TESK1: variants seen among roughly 807,000 people sequenced by gnomAD.
The protein encoded by TESK1 is dual specificity testis-specific protein kinase 1.
A neutral mutation model predicts 59.9 loss-of-function variants in TESK1; 18 were observed. The ratio of observed to expected loss-of-function variants is 0.30; its 90% CI spans 0.21 to 0.45. TESK1 has a LOEUF of 0.45. Ranked by LOEUF, TESK1 falls within the 20% of genes least tolerant of loss-of-function variation. The pLI, the probability that TESK1 is intolerant of heterozygous loss-of-function variation, is 1.00. For missense variants in TESK1, 748 were observed against 840.9 expected (o/e 0.89, Z 1.37); for synonymous variants, 341 against 357.4 (o/e 0.95, Z 0.52).
intron 3 of TESK1, 63 bp downstream of exon 3, chr9:35,606,348 A>G (rs1822848894): frequency 6.3e-7 from 1 of 1,588,792 alleles, no homozygotes; most frequent in African/African-American, 1.3e-5. Context: ...AAAGGGAGTC[A>G]ACAGGCCTGG....
Position 35,607,503 on chromosome 9 carries a change from G to T in TESK1, c.621-79G>T. 1 of 1,575,486 alleles carries T rather than the reference G, an allele frequency of 6.3e-7. No homozygotes were observed. Among genetic ancestry groups the T allele is most frequent in the Non-Finnish European group, 8.7e-7 (1 of 1,145,382 alleles). Reference sequence around the variant, plus strand: ...GGGATGTTTCCCTTGGGGAACGGAGGGAGTTCACCTCATCCCCTTTTGCCT... The same window carrying T: ...GGGATGTTTCCCTTGGGGAACGGAGTGAGTTCACCTCATCCCCTTTTGCCT... On this transcript the variant is annotated intron_variant, in intron 5 of 9. Transcript: ENST00000336395. This position sits in a 1 kb window ranked among gnomAD's most constrained non-coding sequence, Gnocchi z 4.5.
At position 35,609,488 on chromosome 9, in the gene TESK1, C is replaced by T. The variant is rs750649245; in HGVS notation, c.1627C>T (p.Arg543Trp). ...PWNRAQHSLP[R>W]AAALERTEPS... Reference sequence around the variant, plus strand: ...GAACCGGGCCCAGCATAGCCTGCCCCGGGCGGCAGCCCTGGAGCGGACAGA... The same window carrying T: ...GAACCGGGCCCAGCATAGCCTGCCCTGGGCGGCAGCCCTGGAGCGGACAGA... The change falls in exon 10 of 10, where the codon CGG (arginine) becomes TGG (tryptophan). Residue 543 changes from arginine (R) to tryptophan (W), a missense_variant. Arg to Trp is a moderately radical substitution (Grantham distance 101, BLOSUM62 -3). Around this residue, in one of 3 missense-constraint regions of TESK1, gnomAD observed 447 missense variants for 466.1 expected, o/e 0.96. Transcript: ENST00000336395. This position sits in a 1 kb window ranked among gnomAD's most constrained non-coding sequence, Gnocchi z 6.7. 3.6e-5 allele frequency: 58 copies of T among 1,604,064 alleles called. No homozygotes were observed. The highest frequency in any genetic ancestry group is 4.2e-5 in the Non-Finnish European group (49 of 1,174,580).
In TESK1 at chr9:35,607,621, C is replaced by G. The variant is rs1563891739; in HGVS notation, c.660C>G (p.Ser220=). ...AGGAGCCATTGGCCGTGGTGGGCTC[C>G]CCATACTGGATGGCTCCAGAGGTGT... is the stretch of plus-strand genomic sequence containing the variant. ...ARKEPLAVVG[S]PYWMAPEVLR... Residue 220 remains serine (S), a synonymous_variant, in exon 6 of 10, where the codon TCC becomes TCG. Coordinates refer to ENST00000336395, the MANE Select transcript of TESK1 (RefSeq NM_006285.3). The surrounding 1 kb of genome is among the most constrained non-coding windows in gnomAD (Gnocchi z 4.5). 2 of 1,613,886 alleles carry G rather than the reference C, an allele frequency of 1.2e-6. No individual in the cohort carries two copies. Among genetic ancestry groups the G allele is most frequent in the African/African-American group, 2.7e-5 (2 of 74,878 alleles).
Position 35,606,989 on chromosome 9 carries a change from C to G in TESK1, c.537+6C>G. On this transcript the variant is annotated splice_donor_region_variant and intron_variant, in intron 4 of 9. Coordinates refer to ENST00000336395, the MANE Select transcript of TESK1 (RefSeq NM_006285.3). ...ACCGCGACCTCACATCCAAGGTAGG[C>G]TAGCAGGGTGGGTGGAGACATGAAA... The G allele has an allele frequency of 6.3e-7, 1 of 1,583,148 alleles. No homozygotes were observed. The highest frequency in any genetic ancestry group is 8.6e-7 in the Non-Finnish European group (1 of 1,162,478).
chr9:35,607,144 G>A lies in TESK1; in HGVS notation c.537+161G>A. 8.1e-7 allele frequency: 1 copy of A among 1,239,300 alleles called. No individual in the cohort carries two copies. The highest frequency in any genetic ancestry group is 1.1e-6 in the Non-Finnish European group (1 of 890,344). 76.8% of individuals were successfully genotyped at this position (1,239,300 alleles called of 1,614,324 possible). On this transcript the variant is annotated intron_variant, in intron 4 of 9. Transcript: ENST00000336395. The surrounding 1 kb of genome is among the most constrained non-coding windows in gnomAD (Gnocchi z 4.5). ...ACCAGGGTGAGGGGAGTGCTCGGAGGGACTGAGTAGCACCCTGTGTTTGGA... is the reference window on the plus strand; with the variant it reads ...ACCAGGGTGAGGGGAGTGCTCGGAGAGACTGAGTAGCACCCTGTGTTTGGA...
intron 8 of TESK1, 24 bp downstream of exon 8, chr9:35,608,273 G>A: frequency 6.2e-7 from 1 of 1,612,496 alleles, no homozygotes. Context: ...ACTCCTTCCT[G>A]CCCCACCCTG....
rs1313927655 is a variant in TESK1, at chr9:35,606,825, C to T, written c.391-12C>T. 6.3e-7 allele frequency: 1 copy of T among 1,593,290 alleles called. No homozygotes were observed. Among genetic ancestry groups the T allele is most frequent in the African/African-American group, 1.4e-5 (1 of 74,016 alleles). On this transcript the variant is annotated splice_polypyrimidine_tract_variant and intron_variant, in intron 3 of 9. Transcript: ENST00000336395. ...GTCTGACATCTATTCCCATTCTCCT[C>T]CTATGCACCAGTATATGAATGGGGG...
At position 35,609,087 on chromosome 9, in the gene TESK1, C is replaced by T; in HGVS notation, c.1226C>T (p.Ser409Leu). 1 of 1,614,212 alleles carries T rather than the reference C, an allele frequency of 6.2e-7. No individual in the cohort carries two copies. The highest frequency in any genetic ancestry group is 8.5e-7 in the Non-Finnish European group (1 of 1,180,032). ...SKPVLPLVPP[S>L]PFPSTQLPLV... ...CCAGTCCTGCCTCTTGTGCCACCAT[C>T]ACCATTCCCATCCACTCAGCTGCCC... is the stretch of plus-strand genomic sequence containing the variant. Residue 409 changes from serine (S) to leucine (L), a missense_variant, in exon 10 of 10, where the codon TCA (serine) becomes TTA (leucine). Coordinates refer to ENST00000336395, the MANE Select transcript of TESK1 (RefSeq NM_006285.3). This position sits in a 1 kb window ranked among gnomAD's most constrained non-coding sequence, Gnocchi z 6.7.
At position 35,607,703 on chromosome 9, in the gene TESK1, C is replaced by T; in HGVS notation, c.711+31C>T. 6.4e-7 allele frequency: 1 copy of T among 1,561,916 alleles called. No individual in the cohort carries two copies. The highest frequency in any genetic ancestry group is 8.8e-7 in the Non-Finnish European group (1 of 1,133,566). On this transcript the variant is annotated intron_variant, in intron 6 of 9. Coordinates refer to ENST00000336395, the MANE Select transcript of TESK1 (RefSeq NM_006285.3). This position sits in a 1 kb window ranked among gnomAD's most constrained non-coding sequence, Gnocchi z 4.5. ...ACATCAACCCTTCAGATCCCCAAGG[C>T]CTTCCGAGACCCTTGAGGTATTCTC...
Position 35,607,083 on chromosome 9 carries a change from A to T in TESK1, c.537+100A>T. ...GAATATGGATAACAGATATATTAGG[A>T]TGTTGGAGTGGCAAGGCATTGGAGA... On this transcript the variant is annotated intron_variant, in intron 4 of 9. Transcript: ENST00000336395. This position sits in a 1 kb window ranked among gnomAD's most constrained non-coding sequence, Gnocchi z 4.5. The T allele has an allele frequency of 6.9e-7, 1 of 1,448,276 alleles. No individual in the cohort carries two copies. The highest frequency in any genetic ancestry group is 9.2e-7 in the Non-Finnish European group (1 of 1,086,390). The allele number at this position is 1,448,276 out of a possible 1,614,324, so 89.7% of individuals were successfully genotyped here. A position where few individuals can be genotyped will look rare whatever the true frequency, so the allele number is the denominator to read the frequency against.
chr9:35,608,831 G>A (rs1822906334), intron 9 of TESK1, 31 bp from the exon 10 acceptor site: 1 of 1,548,774 alleles, frequency 6.5e-7, no homozygotes, highest in Admixed American at 1.9e-5. Flanking sequence ...CAAATGCTGA[G>A]GACAGTGATT....
In TESK1 at chr9:35,608,216, G is replaced by A. The variant is rs758668834; in HGVS notation, c.852G>A (p.Leu284=). The part of the protein sequence containing the change: ...FRTLVGDDCP[L]PFLLLAIHCC... ...CTCTGGTGGGGGATGACTGCCCACTGCCTTTCTTGCTCCTGGCCATCCACT... is the reference window on the plus strand; with the variant it reads ...CTCTGGTGGGGGATGACTGCCCACTACCTTTCTTGCTCCTGGCCATCCACT... Residue 284 remains leucine (L), a synonymous_variant, in exon 8 of 10, where the codon CTG becomes CTA. Transcript: ENST00000336395. 6.2e-7 allele frequency: 1 copy of A among 1,614,156 alleles called. No homozygotes were observed. Among genetic ancestry groups the A allele is most frequent in the South Asian group, 1.1e-5 (1 of 91,078 alleles).
rs1822878141 is a variant in TESK1, at chr9:35,607,756, C to T, written c.711+84C>T. On this transcript the variant is annotated intron_variant, in intron 6 of 9. Coordinates refer to ENST00000336395, the MANE Select transcript of TESK1 (RefSeq NM_006285.3). The surrounding 1 kb of genome is among the most constrained non-coding windows in gnomAD (Gnocchi z 4.5). ...AAAGCCCCATCCATCCCCAAAACAA[C>T]CCTACCAGATCTTCAGGAGTCCCCA... 1 of 1,365,278 alleles carries T rather than the reference C, an allele frequency of 7.3e-7. No homozygotes were observed. Among genetic ancestry groups the T allele is most frequent in the Non-Finnish European group, 1.0e-6 (1 of 972,382 alleles). 84.6% of individuals were successfully genotyped at this position (1,365,278 alleles called of 1,614,324 possible).
In TESK1 at chr9:35,609,123, C is replaced by T. The variant is rs1822916515; in HGVS notation, c.1262C>T (p.Thr421Ile). The T allele has an allele frequency of 6.2e-7, 1 of 1,614,170 alleles. No homozygotes were observed. Among genetic ancestry groups the T allele is most frequent in the Non-Finnish European group, 8.5e-7 (1 of 1,180,040 alleles). ...TCCACTCAGCTGCCCTTGGTGACCACTCCGGAGACCCTGGTCCAGCCTGGG... is the reference window on the plus strand; with the variant it reads ...TCCACTCAGCTGCCCTTGGTGACCATTCCGGAGACCCTGGTCCAGCCTGGG... Reference protein sequence around the residue: ...FPSTQLPLVTTPETLVQPGTP... With the variant: ...FPSTQLPLVTIPETLVQPGTP... Residue 421 changes from threonine to isoleucine, a missense_variant, in exon 10 of 10, where the codon ACT becomes ATT. Around this residue, in one of 3 missense-constraint regions of TESK1, gnomAD observed 447 missense variants for 466.1 expected, o/e 0.96. Coordinates refer to ENST00000336395, the MANE Select transcript of TESK1 (RefSeq NM_006285.3). The surrounding 1 kb of genome is among the most constrained non-coding windows in gnomAD (Gnocchi z 6.7).
Position 35,609,793 on chromosome 9 carries a change from G to A in TESK1, c.*51G>A. The A allele has an allele frequency of 6.7e-7, 1 of 1,487,376 alleles. No homozygotes were observed. Among genetic ancestry groups the A allele is most frequent in the Non-Finnish European group, 8.9e-7 (1 of 1,121,674 alleles). 92.1% of individuals were successfully genotyped at this position (1,487,376 alleles called of 1,614,324 possible). A position where few individuals can be genotyped will look rare whatever the true frequency, so the allele number is the denominator to read the frequency against. On this transcript the variant is annotated 3_prime_UTR_variant, in exon 10 of 10. Coordinates refer to ENST00000336395, the MANE Select transcript of TESK1 (RefSeq NM_006285.3). The surrounding 1 kb of genome is among the most constrained non-coding windows in gnomAD (Gnocchi z 6.7). The stretch of plus-strand genomic sequence containing the variant: ...CCAACTTTGGCCTTCAGGACACCCT[G>A]TAAGAACAGAGCACACTTGCTGGAC...
In TESK1 at chr9:35,605,506, G is replaced by A. The variant is rs1822823505; in HGVS notation, c.-114G>A. ...GGCGGATCTTCCATTCTCAGGGCGG[G>A]AGCCGGAGTCCGGGCGCCCGGGATC... On this transcript the variant is annotated 5_prime_UTR_variant, in exon 1 of 10. Transcript: ENST00000336395. The A allele has an allele frequency of 1.5e-5, 4 of 266,018 alleles. No homozygotes were observed. The highest frequency in any genetic ancestry group is 7.3e-5 in the East Asian group (1 of 13,750). 16.5% of individuals were successfully genotyped at this position (266,018 alleles called of 1,614,324 possible). A position where few individuals can be genotyped will look rare whatever the true frequency, so the allele number is the denominator to read the frequency against.
Position 35,606,929 on chromosome 9 carries a change from A to C in TESK1, c.483A>C (p.Arg161=). 1 of 1,613,526 alleles carries C rather than the reference A, an allele frequency of 6.2e-7. No individual in the cohort carries two copies. The highest frequency in any genetic ancestry group is 8.5e-7 in the Non-Finnish European group (1 of 1,179,690). Residue 161 remains arginine, a synonymous_variant, in exon 4 of 10, where the codon CGA becomes CGC. Transcript: ENST00000336395. ...VRLHLALDIA[R]GLRYLHSKGV... ...TCCACCTGGCCCTGGACATTGCCCG[A>C]GGCCTGCGGTACCTGCACTCCAAAG...
In TESK1 at chr9:35,605,821, T is replaced by C; in HGVS notation, c.202T>C (p.Phe68Leu). ...CGCGGAGAAGATCGGGGCCGGCTTC[T>C]TCTCTGAGGTCTACAAGGTAGGACC... ...HCAEKIGAGF[F>L]SEVYKVRHRQ... The change falls in exon 1 of 10, where the codon TTC (phenylalanine) becomes CTC (leucine). Residue 68 changes from phenylalanine (F) to leucine (L), a missense_variant. Transcript: ENST00000336395. The C allele has an allele frequency of 6.2e-7, 1 of 1,611,736 alleles. No homozygotes were observed. Among genetic ancestry groups the C allele is most frequent in the Non-Finnish European group, 8.5e-7 (1 of 1,179,432 alleles).
In TESK1 at chr9:35,607,010, T is replaced by C. The variant is rs1310470778; in HGVS notation, c.537+27T>C. 6.4e-7 allele frequency: 1 copy of C among 1,553,186 alleles called. No individual in the cohort carries two copies. ...TAGGCTAGCAGGGTGGGTGGAGACA[T>C]GAAAGAGGGTTTGAGGCTATTAGGT... On this transcript the variant is annotated intron_variant, in intron 4 of 9. Coordinates refer to ENST00000336395, the MANE Select transcript of TESK1 (RefSeq NM_006285.3). The surrounding 1 kb of genome is among the most constrained non-coding windows in gnomAD (Gnocchi z 4.5).
Sources: gnomAD v4.1 joint callset for allele counts on GRCh38, gnomAD v4.1.1 for gene constraint, gnomAD v4.1.1 regional missense constraint, Gnocchi (gnomAD v3.1) non-coding constraint, MANE v1.5 for transcripts, NCBI Gene and HGNC (gene_info 2026-07-23, HGNC 2026-07-21) for gene names.